The following TNR variants were observed in gnomAD, a reference collection of about 807,000 sequenced individuals.
TNR encodes tenascin R.
Under a neutral mutation model 150.4 loss-of-function variants are expected in TNR, and 45 were observed. The observed-to-expected ratio is 0.30, with a 90% CI of 0.24 to 0.38. TNR has a LOEUF of 0.38. TNR is among the 10% of genes least tolerant of loss of function. TNR has a pLI of 1.00. For missense variants in TNR, 1,544 were observed against 1,759.1 expected, an observed-to-expected ratio of 0.88 and a Z score of 2.19; for synonymous variants, 687 against 678.4, an observed-to-expected ratio of 1.01 and a Z score of -0.20.
intron 6 of TNR, among the ~76,000 whole-genome samples, chr1:175,392,599 C>T (rs1188389207): frequency 6.6e-6 from 1 of 152,146 alleles, no homozygotes; most frequent in Non-Finnish European, 1.5e-5. Context: ...TCAATTGCCA[C>T]ATTTTATTTA....
Position 175,565,846 on chromosome 1 carries a change from C to T in TNR, c.-164-37477G>A, listed in dbSNP as rs144962114. Among the ~76,000 whole-genome samples the T allele has an allele frequency of 3.0e-3, 457 of 152,134 alleles. 6 individuals are homozygous for T. The highest frequency in any genetic ancestry group is 0.01 in the Admixed American group (155 of 15,290). On this transcript the variant is annotated intron_variant, in intron 1 of 22. Coordinates refer to ENST00000367674, the MANE Select transcript of TNR (RefSeq NM_003285.3). Reference sequence around the variant, plus strand: ...GAAATACCATGAAACTACTAAAAAACGAATTACATTTGTTGTCATGTTCAT... The same window carrying T: ...GAAATACCATGAAACTACTAAAAAATGAATTACATTTGTTGTCATGTTCAT...
At position 175,696,481 on chromosome 1, in the gene TNR, G is replaced by A. The variant is rs61806919; in HGVS notation, c.-165+46745C>T. Reference sequence around the variant, plus strand: ...CAAATAGTTTTGCCTTAATTGACAAGCCTTGAGAAAAAAAGCCAAATAAAA... The same window carrying A: ...CAAATAGTTTTGCCTTAATTGACAAACCTTGAGAAAAAAAGCCAAATAAAA... On this transcript the variant is annotated intron_variant, in intron 1 of 22. Transcript: ENST00000367674. 8.7e-3 allele frequency among the ~76,000 whole-genome samples: 1,330 copies of A among 152,020 alleles called. 10 individuals are homozygous for A. The highest frequency in any genetic ancestry group is 0.014 in the Non-Finnish European group (942 of 67,960).
At chr1:175,739,362 C>T (rs578215982) in intron 1 of TNR, among the ~76,000 whole-genome samples, 21 of 152,228 alleles carry the variant, frequency 1.4e-4, no homozygotes, top group South Asian at 8.3e-4. Flanking sequence ...TATGTACAAA[C>T]GGTGCACGAG....
chr1:175,542,163 G>A (rs1338950281), intron 1 of TNR, among the ~76,000 whole-genome samples: 1 of 152,142 alleles, frequency 6.6e-6, no homozygotes, highest in African/African-American at 2.4e-5. Context: ...GTTGAAGGAA[G>A]GGAAAAGAGA....
At chr1:175,585,913 G>A (rs973543314) in intron 1 of TNR, among the ~76,000 whole-genome samples, 7 of 152,162 alleles carry the variant, frequency 4.6e-5, no homozygotes, top group Admixed American at 3.9e-4. Flanking sequence ...TCCAGACTTA[G>A]GCTGCTCAGG....
chr1:175,457,479 T>C (rs1481743476), intron 2 of TNR, among the ~76,000 whole-genome samples: 1 of 152,236 alleles, frequency 6.6e-6, no homozygotes, highest in Non-Finnish European at 1.5e-5. Flanking sequence ...GGTTTGGTCA[T>C]GTGGCATCCT....
chr1:175,334,583 G>A (rs1049244861), intron 20 of TNR, among the ~76,000 whole-genome samples: 2 of 152,192 alleles, frequency 1.3e-5, no homozygotes, highest in Admixed American at 1.3e-4. Flanking sequence ...AGGCAACGAA[G>A]TGACCCCACC....
chr1:175,453,547 TTTATTTA>T (rs1238341042), intron 2 of TNR, among the ~76,000 whole-genome samples: 2 of 152,000 alleles, frequency 1.3e-5, no homozygotes, highest in African/African-American at 4.8e-5. Context: ...ACTTTAATTA[TTTATTTA>T]TTATTTTATT....
rs199692758 is a variant in TNR, at chr1:175,427,658, T to TTTCCTTCCTTCCTTCCTTCC, written c.-63-20901_-63-20882dup. On this transcript the variant is annotated intron_variant, in intron 2 of 22. Coordinates refer to ENST00000367674, the MANE Select transcript of TNR (RefSeq NM_003285.3). ...TTACAGGTATATGAGAAGTGTTTTGTTTCCTTCCTTCCTTCCTTCCTTCCT... is the reference window on the plus strand; with the variant it reads ...TTACAGGTATATGAGAAGTGTTTTGTTTCCTTCCTTCCTTCCTTCCTTCCTTCCTTCCTTCCTTCCTTCCT... Among the ~76,000 whole-genome samples the TTTCCTTCCTTCCTTCCTTCC allele has an allele frequency of 8.1e-4, 94 of 116,628 alleles. 2 individuals carry two copies. Among genetic ancestry groups the TTTCCTTCCTTCCTTCCTTCC allele is most frequent in the South Asian group, 1.7e-3 (5 of 2,910 alleles). 76.5% of individuals were successfully genotyped at this position (116,628 alleles called of 152,430 possible).
At chr1:175,488,169 A>G (rs1348434177) in intron 2 of TNR, among the ~76,000 whole-genome samples, 1 of 152,236 alleles carries the variant, frequency 6.6e-6, no homozygotes, top group Admixed American at 6.5e-5. Flanking sequence ...TGTTGTAAGA[A>G]GCAGCCAGCA....
chr1:175,425,702 A>G (rs949533261), intron 2 of TNR, among the ~76,000 whole-genome samples: 3 of 152,072 alleles, frequency 2.0e-5, no homozygotes, highest in African/African-American at 7.2e-5. Flanking sequence ...CGCTCCACAC[A>G]TTTTCCCCTG....
chr1:175,433,810 CAG>C (rs1553221638), intron 2 of TNR, among the ~76,000 whole-genome samples: 8 of 152,306 alleles, frequency 5.3e-5, no homozygotes, highest in East Asian at 1.9e-4. Context: ...AATGAAGAAA[CAG>C]GGGACAATTC....
chr1:175,645,441 C>T (rs1485043388), intron 1 of TNR, among the ~76,000 whole-genome samples: 1 of 152,162 alleles, frequency 6.6e-6, no homozygotes, highest in Non-Finnish European at 1.5e-5. Context: ...TAAGAGGAAG[C>T]ATTCTGTTTT....
At chr1:175,348,499 C>G (rs1048574273) in intron 18 of TNR, among the ~76,000 whole-genome samples, 1 of 152,112 alleles carries the variant, frequency 6.6e-6, no homozygotes, top group African/African-American at 2.4e-5. Flanking sequence ...CTAAGGAAAA[C>G]TGTTTTACCA....
chr1:175,455,481 G>A (rs1656532277), intron 2 of TNR, among the ~76,000 whole-genome samples: 1 of 152,240 alleles, frequency 6.6e-6, no homozygotes, highest in Admixed American at 6.5e-5. Flanking sequence ...CTGTCTAGCA[G>A]TAGGAGCAGG....
At chr1:175,331,192 T>G (rs1162460098) in intron 20 of TNR, among the ~76,000 whole-genome samples, 1 of 133,318 alleles carries the variant, frequency 7.5e-6, no homozygotes, top group Non-Finnish European at 1.6e-5. Context: ...CTTCCTTCCT[T>G]CCTTCCTTCC....
At chr1:175,481,877 C>T (rs1358871808) in intron 2 of TNR, among the ~76,000 whole-genome samples, 3 of 152,110 alleles carry the variant, frequency 2.0e-5, no homozygotes, top group Non-Finnish European at 2.9e-5. Flanking sequence ...GTCCTGCTGC[C>T]TCCTGCTGGA....
intron 1 of TNR, among the ~76,000 whole-genome samples, chr1:175,543,095 A>G (rs138581354): frequency 9.7e-4 from 148 of 152,240 alleles, no homozygotes; most frequent in Middle Eastern, 3.4e-3. Flanking sequence ...CCAAATTGTC[A>G]TTTTGCACCG....
At chr1:175,356,261 C>A in intron 16 of TNR, 58 bp downstream of exon 16, 1 of 1,601,810 alleles carries the variant, frequency 6.2e-7, no homozygotes, top group African/African-American at 1.3e-5. Context: ...CACAAGAAAG[C>A]TGATCATTTC....
Sources: allele counts gnomAD v4.1 joint callset (sites outside exome capture counted in the v4.1 genomes callset), GRCh38; gene constraint gnomAD v4.1.1; transcripts MANE v1.5; gene names NCBI Gene and HGNC (gene_info 2026-07-23, HGNC 2026-07-21).